Variants in ZNF804A observed in about 807,000 individuals in gnomAD.
ZNF804A encodes the protein zinc finger protein 804A.
In ZNF804A, 2 loss-of-function variants were observed where a neutral mutation model predicts 16.5. That is an observed-to-expected ratio of 0.12 (90% CI 0.05 to 0.38). The LOEUF is 0.38. Among genes scored for constraint, ZNF804A ranks in the 10% least tolerant of loss-of-function variants. The pLI is 0.99. For missense variants in ZNF804A, 1,473 were observed against 1,390.7 expected (o/e 1.06, Z -0.94); for synonymous variants, 534 against 489.6 (o/e 1.09, Z -1.20).
intron 1 of ZNF804A, among the ~76,000 whole-genome samples, chr2:184,665,428 C>A (rs141214229): frequency 1.6e-3 from 241 of 152,298 alleles, no homozygotes; most frequent in African/African-American, 5.6e-3. Context: ...AGAAAGAACT[C>A]ATAAATTTTG....
chr2:184,925,090 T>G (rs1685589141), intron 2 of ZNF804A, among the ~76,000 whole-genome samples: 1 of 152,002 alleles, frequency 6.6e-6, no homozygotes, highest in South Asian at 2.1e-4. Context: ...GTTTCTTTGC[T>G]GATTTTCTCT....
At chr2:184,859,612 C>G (rs1484167866) in intron 1 of ZNF804A, among the ~76,000 whole-genome samples, 1 of 152,146 alleles carries the variant, frequency 6.6e-6, no homozygotes, top group Non-Finnish European at 1.5e-5. Context: ...TTTCTTAGAT[C>G]AGCTAGTGGG....
intron 1 of ZNF804A, among the ~76,000 whole-genome samples, chr2:184,745,916 A>G (rs528530847): frequency 1.1e-4 from 16 of 151,806 alleles, no homozygotes; most frequent in South Asian, 2.1e-4. Flanking sequence ...TGAATTATTT[A>G]AAGTATATGC....
rs10165703 is a variant in ZNF804A, at chr2:184,638,427, C to T, written c.111+39357C>T. Among the ~76,000 whole-genome samples the T allele has an allele frequency of 5.6e-3, 857 of 152,238 alleles. 4 individuals are homozygous for T. The highest frequency in any genetic ancestry group is 0.019 in the African/African-American group (770 of 41,556). ...AAAATTGAGGCTCCTAATCTAGGAT[C>T]TTTCATTCTCAGAGACCTCATAATG... On this transcript the variant is annotated intron_variant, in intron 1 of 3. Transcript: ENST00000302277.
At chr2:184,881,124 C>T (rs1684803963) in intron 2 of ZNF804A, among the ~76,000 whole-genome samples, 1 of 151,952 alleles carries the variant, frequency 6.6e-6, no homozygotes, top group Admixed American at 6.6e-5. Flanking sequence ...AGAATACCAT[C>T]CCAAGTATTA....
intron 1 of ZNF804A, among the ~76,000 whole-genome samples, chr2:184,622,651 G>A (rs543859844): frequency 6.6e-6 from 1 of 151,748 alleles, no homozygotes; most frequent in Non-Finnish European, 1.5e-5. Flanking sequence ...TAGTTTTTAA[G>A]TTGCTTTCAG....
intron 1 of ZNF804A, among the ~76,000 whole-genome samples, chr2:184,733,286 C>G (rs538488016): frequency 6.6e-6 from 1 of 152,184 alleles, no homozygotes; most frequent in South Asian, 2.1e-4. Context: ...TTCTATGCTC[C>G]TGTGATTTTT....
In ZNF804A at chr2:184,691,207, T is replaced by G. The variant is rs148094625; in HGVS notation, c.111+92137T>G. Reference sequence around the variant, plus strand: ...TTATGTTAGTATCTACGGATTCATGTCAGAGAAGAAAATAGAATTTTGCTC... The same window carrying G: ...TTATGTTAGTATCTACGGATTCATGGCAGAGAAGAAAATAGAATTTTGCTC... On this transcript the variant is annotated intron_variant, in intron 1 of 3. Transcript: ENST00000302277. Among the ~76,000 whole-genome samples the G allele has an allele frequency of 2.1e-3, 315 of 152,086 alleles. 2 individuals are homozygous for G. The highest frequency in any genetic ancestry group is 6.9e-3 in the African/African-American group (287 of 41,556).
intron 1 of ZNF804A, among the ~76,000 whole-genome samples, chr2:184,788,605 G>A (rs1322926720): frequency 6.6e-6 from 1 of 151,806 alleles, no homozygotes; most frequent in African/African-American, 2.4e-5. Context: ...ATTGTAAATG[G>A]GATTGAGTTC....
chr2:184,640,055 G>A (rs1329019735), intron 1 of ZNF804A, among the ~76,000 whole-genome samples: 7 of 151,818 alleles, frequency 4.6e-5, no homozygotes, highest in Non-Finnish European at 8.8e-5. Context: ...TAGAGATCAA[G>A]GTAACTCAGT....
chr2:184,881,004 G>T (rs892983044), intron 2 of ZNF804A, among the ~76,000 whole-genome samples: 2 of 152,070 alleles, frequency 1.3e-5, no homozygotes, highest in Admixed American at 6.6e-5. Context: ...CCCAATCCAA[G>T]AATTCTAAGC....
chr2:184,689,028 C>T (rs1481455904), intron 1 of ZNF804A, among the ~76,000 whole-genome samples: 1 of 151,972 alleles, frequency 6.6e-6, no homozygotes, highest in Non-Finnish European at 1.5e-5. Flanking sequence ...AATAATTTAA[C>T]AACATTTAAT....
At chr2:184,882,345 G>A (rs752448211) in intron 2 of ZNF804A, among the ~76,000 whole-genome samples, 21 of 151,862 alleles carry the variant, frequency 1.4e-4, no homozygotes, top group Non-Finnish European at 2.1e-4. Flanking sequence ...TTCAATAACC[G>A]TAACATAATA....
chr2:184,665,127 T>G (rs1007018683), intron 1 of ZNF804A, among the ~76,000 whole-genome samples: 13 of 152,182 alleles, frequency 8.5e-5, no homozygotes, highest in Admixed American at 6.5e-4. Context: ...CTCTTAGTAT[T>G]AAAACAATCA....
intron 1 of ZNF804A, among the ~76,000 whole-genome samples, chr2:184,694,611 T>A (rs1385509381): frequency 1.3e-5 from 2 of 152,168 alleles, no homozygotes; most frequent in Admixed American, 6.5e-5. Flanking sequence ...AAGCAGAACC[T>A]GAGACAAAAC....
chr2:184,801,514 GGTAA>G (rs1251072544), intron 1 of ZNF804A, among the ~76,000 whole-genome samples: 1 of 151,926 alleles, frequency 6.6e-6, no homozygotes, highest in Non-Finnish European at 1.5e-5. Flanking sequence ...AATTTCATTT[GGTAA>G]GTGTCTATTA....
At chr2:184,714,015 T>C (rs1693175477) in intron 1 of ZNF804A, among the ~76,000 whole-genome samples, 2 of 151,996 alleles carry the variant, frequency 1.3e-5, no homozygotes, top group Non-Finnish European at 1.5e-5. Flanking sequence ...AAAACACCGG[T>C]ACAGAGAATA....
At chr2:184,809,083 A>C (rs1424327953) in intron 1 of ZNF804A, among the ~76,000 whole-genome samples, 1 of 151,872 alleles carries the variant, frequency 6.6e-6, no homozygotes, top group Admixed American at 6.6e-5. Context: ...TAATTATTGA[A>C]AGAATATCTG....
rs191245431 is a variant in ZNF804A at position 184,852,936 on chromosome 2, G to C, written c.112-13433G>C. 4.2e-4 allele frequency among the ~76,000 whole-genome samples: 63 copies of C among 151,418 alleles called. 1 individual carries two copies. The highest frequency in any genetic ancestry group is 1.5e-3 in the African/African-American group (61 of 41,370). On this transcript the variant is annotated intron_variant, in intron 1 of 3. Coordinates refer to ENST00000302277, the MANE Select transcript of ZNF804A (RefSeq NM_194250.2). The stretch of plus-strand genomic sequence containing the variant: ...GCTTTGACTATTTGGACTCTTTTTT[G>C]GTTTCATATAAATTTAGGATTTTTT...
Sources: gnomAD v4.1 joint callset for allele counts (sites outside exome capture counted in the v4.1 genomes callset) on GRCh38, gnomAD v4.1.1 for gene constraint, MANE v1.5 for transcripts, NCBI Gene and HGNC (gene_info 2026-07-23, HGNC 2026-07-21) for gene names.